The following CAP2 variants were observed in gnomAD, a reference collection of about 807,000 sequenced individuals.
The protein encoded by CAP2 is cyclase associated actin cytoskeleton regulatory protein 2.
A neutral mutation model predicts 57.7 loss-of-function variants in CAP2; 24 were observed. The ratio of observed to expected loss-of-function variants is 0.42; its 90% CI spans 0.30 to 0.58. The LOEUF (loss-of-function observed/expected upper bound fraction) is 0.58, where lower values mean the gene tolerates loss of function less well. Among genes scored for constraint, CAP2 ranks in the 20% least tolerant of loss-of-function variants. The probability of loss-of-function intolerance (pLI) is 0.22; values close to 1 mark genes in which losing one functional copy is unlikely to be tolerated. For missense variants in CAP2, 501 were observed against 590.3 expected (o/e 0.85, Z 1.57); for synonymous variants, 194 against 207.2 (o/e 0.94, Z 0.55).
chr6:17,458,634 C>T (rs767014704), intron 3 of CAP2, among the ~76,000 whole-genome samples: 35 of 152,030 alleles, frequency 2.3e-4, no homozygotes, highest in African/African-American at 5.1e-4. Context: ...GATATTGACA[C>T]GGGGATGAAA....
At chr6:17,404,664 G>C (rs1235542933) in intron 1 of CAP2, among the ~76,000 whole-genome samples, 1 of 151,080 alleles carries the variant, frequency 6.6e-6, no homozygotes, top group Non-Finnish European at 1.5e-5. Context: ...CCAGTTACTT[G>C]GGAGGCTGAG....
chr6:17,521,497 C>T (rs1472576365), intron 7 of CAP2, among the ~76,000 whole-genome samples: 1 of 152,152 alleles, frequency 6.6e-6, no homozygotes, highest in African/African-American at 2.4e-5. Context: ...TTGGAAGTGG[C>T]TGTGAGTTCA....
chr6:17,444,662 A>C (rs906475696), intron 3 of CAP2, among the ~76,000 whole-genome samples: 1 of 144,904 alleles, frequency 6.9e-6, no homozygotes, highest in African/African-American at 2.6e-5. Context: ...AAAAAAAGTC[A>C]TCATGGCCCA....
intron 3 of CAP2, among the ~76,000 whole-genome samples, chr6:17,458,936 A>G (rs1760652437): frequency 6.6e-6 from 1 of 151,518 alleles, no homozygotes; most frequent in South Asian, 2.1e-4. Context: ...ACTAGTAGTA[A>G]GCAAACAAAA....
In CAP2 at chr6:17,533,195, A is replaced by G. The variant is rs149067944; in HGVS notation, c.637-6074A>G. On this transcript the variant is annotated intron_variant, in intron 7 of 12. Coordinates refer to ENST00000229922, the MANE Select transcript of CAP2 (RefSeq NM_006366.3). Reference sequence around the variant, plus strand: ...ATTTAATGAAAACAAATTTTGATGTACATTAGTATAGAACTATATTAAATA... The same window carrying G: ...ATTTAATGAAAACAAATTTTGATGTGCATTAGTATAGAACTATATTAAATA... Among the ~76,000 whole-genome samples the G allele has an allele frequency of 2.4e-3, 358 of 152,096 alleles. 1 individual carries two copies. Among genetic ancestry groups the G allele is most frequent in the Non-Finnish European group, 4.0e-3 (272 of 68,018 alleles).
chr6:17,530,721 G>C (rs138519306), intron 7 of CAP2, among the ~76,000 whole-genome samples: 2 of 152,062 alleles, frequency 1.3e-5, no homozygotes, highest in African/African-American at 2.4e-5. Context: ...TAGCTCTGTG[G>C]AAGAAACATC....
intron 1 of CAP2, among the ~76,000 whole-genome samples, chr6:17,404,343 T>C (rs573456583): frequency 7.2e-4 from 110 of 152,186 alleles, no homozygotes; most frequent in Middle Eastern, 3.4e-3. Flanking sequence ...CGGTGGCTCA[T>C]GCCTGTAATC....
At chr6:17,483,168 G>A (rs764277085) in intron 4 of CAP2, among the ~76,000 whole-genome samples, 2 of 152,152 alleles carry the variant, frequency 1.3e-5, no homozygotes, top group East Asian at 1.9e-4. Context: ...TCATTTATTC[G>A]ATTTCTTTAT....
At chr6:17,492,225 A>T (rs142647402) in intron 4 of CAP2, among the ~76,000 whole-genome samples, 133 of 152,292 alleles carry the variant, frequency 8.7e-4, no homozygotes, top group Non-Finnish European at 1.6e-3. Flanking sequence ...TAAATTTCCC[A>T]ACTTCTTGTG....
At chr6:17,535,870 A>G (rs926711083) in intron 7 of CAP2, among the ~76,000 whole-genome samples, 6 of 152,088 alleles carry the variant, frequency 3.9e-5, no homozygotes, top group African/African-American at 1.4e-4. Context: ...ACAGATGCCT[A>G]TGTTGCTACC....
At position 17,514,982 on chromosome 6, in the gene CAP2, G is replaced by A. The variant is rs952378604; in HGVS notation, c.636+1028G>A. Among the ~76,000 whole-genome samples, 9 of 152,162 alleles carry A rather than the reference G, an allele frequency of 5.9e-5. No individual in the cohort carries two copies. The South Asian group carries it at 6.2e-4, about 11-fold the overall frequency. The stretch of plus-strand genomic sequence containing the variant: ...GGAGGCCAAGGTGAGTGGATCACCC[G>A]CGGTCAGGAGTTCGAGACCAGCCTG... On this transcript the variant is annotated intron_variant, in intron 7 of 12. Coordinates refer to ENST00000229922, the MANE Select transcript of CAP2 (RefSeq NM_006366.3).
chr6:17,476,446 G>A (rs1761152216), intron 4 of CAP2, among the ~76,000 whole-genome samples: 1 of 152,182 alleles, frequency 6.6e-6, no homozygotes, highest in African/African-American at 2.4e-5. Context: ...TTAAGTGAGA[G>A]CTCTTGTCTT....
At chr6:17,482,868 T>C (rs187149640) in intron 4 of CAP2, among the ~76,000 whole-genome samples, 35 of 152,352 alleles carry the variant, frequency 2.3e-4, no homozygotes, top group African/African-American at 7.5e-4. Flanking sequence ...CATCATCATA[T>C]GAATTAGTGG....
intron 9 of CAP2, 26 bp downstream of exon 9, chr6:17,541,174 T>C (rs768882177): frequency 7.0e-6 from 11 of 1,568,974 alleles, no homozygotes; most frequent in Non-Finnish European, 3.5e-6. Flanking sequence ...TAACCTTTAT[T>C]TTCCTGACAT....
At chr6:17,448,483 C>A (rs1760319138) in intron 3 of CAP2, among the ~76,000 whole-genome samples, 2 of 152,166 alleles carry the variant, frequency 1.3e-5, no homozygotes, top group South Asian at 4.1e-4. Context: ...AATATTCATG[C>A]CTGTCAGAAA....
At chr6:17,550,837 C>T (rs550509863) in intron 11 of CAP2, among the ~76,000 whole-genome samples, 6 of 152,086 alleles carry the variant, frequency 3.9e-5, no homozygotes, top group Non-Finnish European at 8.8e-5. Flanking sequence ...CTGAGCCAAG[C>T]CCCCAGTTTT....
chr6:17,451,137 G>C (rs1420899770), intron 3 of CAP2, among the ~76,000 whole-genome samples: 2 of 152,020 alleles, frequency 1.3e-5, no homozygotes, highest in Middle Eastern at 3.4e-3. Context: ...GTCTTGAGGA[G>C]CCCGAGAATT....
rs187282770 is a variant in CAP2 at position 17,405,079 on chromosome 6, C to T, written c.-2+11333C>T. Among the ~76,000 whole-genome samples, 69 of 152,142 alleles carry T rather than the reference C, an allele frequency of 4.5e-4. 1 individual carries two copies. The South Asian group carries it at 4.8e-3, about 11-fold the overall frequency. On this transcript the variant is annotated intron_variant, in intron 1 of 12. Coordinates refer to ENST00000229922, the MANE Select transcript of CAP2 (RefSeq NM_006366.3). ...CACGTTTTTTCCTATACATAGCTACCGTGATAAAGTTTAATATATAAGGCC... is the reference window on the plus strand; with the variant it reads ...CACGTTTTTTCCTATACATAGCTACTGTGATAAAGTTTAATATATAAGGCC...
At chr6:17,519,839 A>G (rs1762350461) in intron 7 of CAP2, among the ~76,000 whole-genome samples, 1 of 152,250 alleles carries the variant, frequency 6.6e-6, no homozygotes, top group African/African-American at 2.4e-5. Flanking sequence ...TTCTAAAAAC[A>G]GACTATTATC....
Sources: gnomAD v4.1 joint callset for allele counts (sites outside exome capture counted in the v4.1 genomes callset) on GRCh38, gnomAD v4.1.1 for gene constraint, MANE v1.5 for transcripts, NCBI Gene and HGNC (gene_info 2026-07-23, HGNC 2026-07-21) for gene names.